Variants in ZC2HC1A observed in about 807,000 individuals in gnomAD.
The protein encoded by ZC2HC1A is zinc finger C2HC domain-containing protein 1A.
A neutral mutation model predicts 40.7 loss-of-function variants in ZC2HC1A; 28 were observed. That is an observed-to-expected ratio of 0.69 (90% confidence interval 0.51 to 0.94). ZC2HC1A has a LOEUF of 0.94. Ranked by LOEUF, ZC2HC1A falls within the 40% of genes least tolerant of loss-of-function variation. The probability of loss-of-function intolerance (pLI) is 0.00; values close to 1 mark genes in which losing one functional copy is unlikely to be tolerated. For synonymous variants in ZC2HC1A, 129 were observed against 129.2 expected (o/e 1.00, Z 0.01); for missense variants, 389 against 386.3 (o/e 1.01, Z -0.06).
chr8:78,691,437 T>A (rs983700673), intron 5 of ZC2HC1A, among the ~76,000 whole-genome samples: 1 of 152,138 alleles, frequency 6.6e-6, no homozygotes, highest in Non-Finnish European at 1.5e-5. Context: ...TTAACATAAT[T>A]ATGCTCACTT....
At chr8:78,699,908 T>G (rs1209054548) in intron 7 of ZC2HC1A, among the ~76,000 whole-genome samples, 1 of 152,202 alleles carries the variant, frequency 6.6e-6, no homozygotes, top group Non-Finnish European at 1.5e-5. Flanking sequence ...TTCAGTATTA[T>G]GAATAGTGCT....
chr8:78,714,665 C>T (rs890568021), intron 7 of ZC2HC1A, among the ~76,000 whole-genome samples: 2 of 152,108 alleles, frequency 1.3e-5, no homozygotes, highest in African/African-American at 4.8e-5. Flanking sequence ...AACCAGAAGT[C>T]CCTCTGATTT....
rs1811156719 is a variant in ZC2HC1A at position 78,717,920 on chromosome 8, A to G, written c.*427A>G. 1 of 155,084 alleles carries G rather than the reference A, an allele frequency of 6.4e-6. No individual in the cohort carries two copies. Among genetic ancestry groups the G allele is most frequent in the Admixed American group, 6.3e-5 (1 of 15,864 alleles). 9.6% of individuals were successfully genotyped at this position (155,084 alleles called of 1,614,324 possible). A position where few individuals can be genotyped will look rare whatever the true frequency, so the allele number is the denominator to read the frequency against. ...GTATTATTGGTGCCTATCTTCAGAT[A>G]GTATCATAGTAGGATAGATGCTGGG... On this transcript the variant is annotated 3_prime_UTR_variant, in exon 9 of 9. Transcript: ENST00000263849.
chr8:78,670,395 A>G (rs534771229), intron 1 of ZC2HC1A, among the ~76,000 whole-genome samples: 37 of 152,344 alleles, frequency 2.4e-4, no homozygotes, highest in African/African-American at 8.4e-4. Context: ...TGTGCTCATC[A>G]GGACATTGGT....
chr8:78,678,442 TTTGTA>T (rs1388111904), intron 2 of ZC2HC1A, 116 bp from the exon 3 acceptor site: 1 of 701,084 alleles, frequency 1.4e-6, no homozygotes, highest in Non-Finnish European at 2.4e-6. Flanking sequence ...TATTTATTAT[TTTGTA>T]TTCAGGTTTT....
intron 7 of ZC2HC1A, chr8:78,711,979 T>C: frequency 1.6e-6 from 2 of 1,285,196 alleles, no homozygotes; most frequent in Non-Finnish European, 2.0e-6. Flanking sequence ...CACCTTTATA[T>C]ATTTTAATAG....
chr8:78,684,303 A>T (rs1809883432), intron 3 of ZC2HC1A, among the ~76,000 whole-genome samples: 1 of 152,200 alleles, frequency 6.6e-6, no homozygotes, highest in Non-Finnish European at 1.5e-5. Context: ...CCTCACAATC[A>T]TGGTGGAAGG....
Position 78,717,338 on chromosome 8 carries a change from G to T in ZC2HC1A, c.823G>T (p.Asp275Tyr), listed in dbSNP as rs1180155040. The T allele has an allele frequency of 1.2e-6, 2 of 1,607,878 alleles. No homozygotes were observed. Among genetic ancestry groups the T allele is most frequent in the East Asian group, 4.5e-5 (2 of 44,802 alleles). The part of the protein sequence containing the change: ...TESYIARPDG[D>Y]CASSLNGGNI... ...TCTTTACTTTTTTAGGCCAGATGGG[G>T]ACTGTGCATCTTCCCTTAATGGTGG... Residue 275 changes from aspartate to tyrosine, a missense_variant, in exon 9 of 9, where the codon GAC becomes TAC. Asp to Tyr is a radical substitution (Grantham distance 160). Coordinates refer to ENST00000263849, the MANE Select transcript of ZC2HC1A (RefSeq NM_016010.3).
At chr8:78,688,080 A>G (rs1297257626) in intron 4 of ZC2HC1A, among the ~76,000 whole-genome samples, 1 of 151,044 alleles carries the variant, frequency 6.6e-6, no homozygotes, top group Non-Finnish European at 1.5e-5. Context: ...CCCATGGGCC[A>G]TACTTTGCGA....
At chr8:78,711,916 T>C in intron 7 of ZC2HC1A, 4 of 888,632 alleles carry the variant, frequency 4.5e-6, no homozygotes, top group Non-Finnish European at 6.3e-6. Flanking sequence ...ACCAGAATAA[T>C]GTCTTTTAAA....
rs114692231 is a variant in ZC2HC1A, at chr8:78,707,934, T to C, written c.705-7287T>C. Among the ~76,000 whole-genome samples, 998 of 152,164 alleles carry C rather than the reference T, an allele frequency of 6.6e-3. 14 individuals are homozygous for C. The highest frequency in any genetic ancestry group is 0.022 in the African/African-American group (905 of 41,516). On this transcript the variant is annotated intron_variant, in intron 7 of 8. Transcript: ENST00000263849. ...GTAAGCTCCATGATGGCAAAGACTA[T>C]GTCTGCCTTGCTTCCATTTGTAACT...
intron 7 of ZC2HC1A, among the ~76,000 whole-genome samples, chr8:78,708,841 C>A (rs1028531703): frequency 6.6e-6 from 1 of 152,014 alleles, no homozygotes; most frequent in African/African-American, 2.4e-5. Context: ...CCATGTCTGG[C>A]TAATTTTGAA....
chr8:78,689,257 A>G lies in ZC2HC1A; in HGVS notation c.388A>G (p.Asn130Asp). 1 of 1,591,896 alleles carries G rather than the reference A, an allele frequency of 6.3e-7. No homozygotes were observed. The highest frequency in any genetic ancestry group is 8.6e-7 in the Non-Finnish European group (1 of 1,169,208). The change falls in exon 5 of 9, where the codon AAT (asparagine) becomes GAT (aspartate). Residue 130 changes from asparagine (N) to aspartate (D), a missense_variant. Asn to Asp is a conservative substitution (Grantham distance 23). Transcript: ENST00000263849. ...ATGTCCATATTGTCAGAGGAGATTC[A>G]ATGAAAATGCAGCTGATAGACATAT... The part of the protein sequence containing the change: ...IQCPYCQRRF[N>D]ENAADRHINF...
chr8:78,704,449 T>C (rs1211522044), intron 7 of ZC2HC1A, among the ~76,000 whole-genome samples: 1 of 151,518 alleles, frequency 6.6e-6, no homozygotes, highest in African/African-American at 2.4e-5. Context: ...GCTTGTAGGG[T>C]TTCCACTGAG....
intron 5 of ZC2HC1A, among the ~76,000 whole-genome samples, chr8:78,693,219 T>A (rs1586005321): frequency 6.6e-6 from 1 of 152,190 alleles, no homozygotes; most frequent in African/African-American, 2.4e-5. Context: ...TATAGCAGCA[T>A]GATTTATAGT....
chr8:78,687,065 A>C (rs1304169519), intron 4 of ZC2HC1A, among the ~76,000 whole-genome samples: 1 of 152,068 alleles, frequency 6.6e-6, no homozygotes, highest in Non-Finnish European at 1.5e-5. Context: ...TTATGGCTTA[A>C]ATTTGTATAT....
intron 7 of ZC2HC1A, among the ~76,000 whole-genome samples, chr8:78,708,536 A>G (rs1810852951): frequency 6.6e-6 from 1 of 151,980 alleles, no homozygotes; most frequent in African/African-American, 2.4e-5. Flanking sequence ...AAACAAAAAC[A>G]ACCTTTTTAA....
At chr8:78,708,941 C>T (rs779888512) in intron 7 of ZC2HC1A, among the ~76,000 whole-genome samples, 9 of 152,132 alleles carry the variant, frequency 5.9e-5, no homozygotes, top group Admixed American at 1.3e-4. Context: ...GCTGGGATTA[C>T]AGGCATGAGC....
chr8:78,697,557 G>C (rs1295025391), intron 6 of ZC2HC1A, 51 bp downstream of exon 6: 4 of 1,410,662 alleles, frequency 2.8e-6, no homozygotes, highest in Admixed American at 1.9e-5. Context: ...CATGTTGGCA[G>C]AGCAGGAAAT....
Sources: allele counts gnomAD v4.1 joint callset (sites outside exome capture counted in the v4.1 genomes callset), GRCh38; gene constraint gnomAD v4.1.1; transcripts MANE v1.5; gene names NCBI Gene and HGNC (gene_info 2026-07-23, HGNC 2026-07-21).